Variants in ANO6 observed in about 807,000 individuals in gnomAD.
ANO6 encodes anoctamin-6.
ANO6 carries 106 observed loss-of-function variants against 117.5 expected under a neutral mutation model. The ratio of observed to expected loss-of-function variants is 0.90; its 90% confidence interval spans 0.77 to 1.06. ANO6 has a LOEUF of 1.06. Ranked by LOEUF, ANO6 falls within the 50% of genes least tolerant of loss-of-function variation. The pLI is 0.00. For synonymous variants in ANO6, 367 were observed against 385.1 expected, an observed-to-expected ratio of 0.95 and a Z score of 0.55; for missense variants, 955 against 1,121.1, an observed-to-expected ratio of 0.85 and a Z score of 2.12.
At chr12:45,373,343 G>A (rs1245739657) in intron 9 of ANO6, among the ~76,000 whole-genome samples, 1 of 151,236 alleles carries the variant, frequency 6.6e-6, no homozygotes, top group Non-Finnish European at 1.5e-5. Context: ...ATTGAACTCA[G>A]CTCTGCACCA....
chr12:45,404,556 A>C (rs1038084770), intron 15 of ANO6, among the ~76,000 whole-genome samples: 1 of 151,734 alleles, frequency 6.6e-6, no homozygotes, highest in Non-Finnish European at 1.5e-5. Context: ...TGCCTTTCCT[A>C]GCTTCTGGAG....
chr12:45,439,647 CTTTTTTT>C, intron 19 of ANO6: 61 of 1,132,864 alleles, frequency 5.4e-5, no homozygotes, highest in South Asian at 2.0e-4. Flanking sequence ...GATTTAATTG[CTTTTTTT>C]TTTTTTTTTT....
At position 45,429,362 on chromosome 12, in the gene ANO6, T is replaced by A. The variant is rs1353042009; in HGVS notation, c.*51T>A. The A allele has an allele frequency of 1.3e-6, 2 of 1,590,476 alleles. No individual in the cohort carries two copies. The highest frequency in any genetic ancestry group is 2.7e-5 in the African/African-American group (2 of 73,914). On this transcript the variant is annotated 3_prime_UTR_variant, in exon 20 of 20. Transcript: ENST00000320560. ...TAAGGAATTTAGCTTTGTCAAAATA[T>A]ATTAGGAATCACTAATGAGAATGTG...
Position 45,430,790 on chromosome 12 carries a change from C to T in ANO6, c.*1479C>T. 1 of 985,430 alleles carries T rather than the reference C, an allele frequency of 1.0e-6. No homozygotes were observed. The highest frequency in any genetic ancestry group is 1.2e-6 in the Non-Finnish European group (1 of 829,994). The allele number at this position is 985,430 out of a possible 1,614,324, so 61.0% of individuals were successfully genotyped here. A position where few individuals can be genotyped will look rare whatever the true frequency, so the allele number is the denominator to read the frequency against. On this transcript the variant is annotated 3_prime_UTR_variant, in exon 20 of 20. Transcript: ENST00000320560. ...CTTTATTGCCTTGTAAGTGTCAGGCCTCCTGGGCGCTCTGGAAAAGACAGG... is the reference window on the plus strand; with the variant it reads ...CTTTATTGCCTTGTAAGTGTCAGGCTTCCTGGGCGCTCTGGAAAAGACAGG...
In ANO6 at chr12:45,429,162, C is replaced by A. The variant is rs200345206; in HGVS notation, c.2584C>A (p.Arg862Ser). ...ATATGCAATTCCCGATGTATCAAAA[C>A]GCACAAAGAGCAAGATCCAGAGAGA... ...ISYAIPDVSK[R>S]TKSKIQREKY... The change falls in exon 20 of 20, where the codon CGC (arginine) becomes AGC (serine). Residue 862 changes from arginine (R) to serine (S), a missense_variant. Transcript: ENST00000320560. 3.7e-6 allele frequency: 6 copies of A among 1,613,692 alleles called. No individual in the cohort carries two copies. The highest frequency in any genetic ancestry group is 1.7e-5 in the Admixed American group (1 of 59,970).
intron 1 of ANO6, among the ~76,000 whole-genome samples, chr12:45,284,748 T>C (rs988093510): frequency 6.6e-6 from 1 of 152,226 alleles, no homozygotes; most frequent in Non-Finnish European, 1.5e-5. Context: ...TAGCTCATCC[T>C]GCATGCCAAG....
chr12:45,216,242 C>T lies in ANO6; in HGVS notation c.-80C>T, dbSNP rs1434343413. The T allele has an allele frequency of 6.7e-7, 1 of 1,494,150 alleles. No homozygotes were observed. Among genetic ancestry groups the T allele is most frequent in the Non-Finnish European group, 9.1e-7 (1 of 1,094,920 alleles). The allele number at this position is 1,494,150 out of a possible 1,614,324, so 92.6% of individuals were successfully genotyped here. On this transcript the variant is annotated 5_prime_UTR_variant, in exon 1 of 20. Transcript: ENST00000320560. ...ACACGCCCCGCGGTCCCCGATCCGG[C>T]CCCTGGGAGAGCCGCGCCGTTCTGG...
intron 12 of ANO6, among the ~76,000 whole-genome samples, chr12:45,394,952 AAC>A (rs1244664622): frequency 6.6e-6 from 1 of 152,234 alleles, no homozygotes; most frequent in African/African-American, 2.4e-5. Context: ...AGCAAGAGCA[AAC>A]ACATTCAAAA....
intron 12 of ANO6, among the ~76,000 whole-genome samples, chr12:45,398,244 A>T (rs1221282455): frequency 6.6e-6 from 1 of 152,214 alleles, no homozygotes; most frequent in African/African-American, 2.4e-5. Flanking sequence ...CAGAACATTA[A>T]TGTGCAATTA....
chr12:45,305,839 A>G (rs1232574880), intron 2 of ANO6, among the ~76,000 whole-genome samples: 1 of 152,164 alleles, frequency 6.6e-6, no homozygotes, highest in African/African-American at 2.4e-5. Flanking sequence ...GGTTAAGAGC[A>G]AAGGAGATCT....
chr12:45,260,425 A>C (rs1937986275), intron 1 of ANO6, among the ~76,000 whole-genome samples: 1 of 152,230 alleles, frequency 6.6e-6, no homozygotes, highest in Non-Finnish European at 1.5e-5. Flanking sequence ...AGACTCGATC[A>C]GCTTGCTAAA....
At chr12:45,364,806 CCTCT>C (rs1941643034) in intron 8 of ANO6, among the ~76,000 whole-genome samples, 1 of 152,116 alleles carries the variant, frequency 6.6e-6, no homozygotes, top group Non-Finnish European at 1.5e-5. Flanking sequence ...ACTGCTTTTT[CCTCT>C]CTGTGTTAGG....
intron 12 of ANO6, among the ~76,000 whole-genome samples, chr12:45,393,845 G>T (rs563355000): frequency 3.3e-5 from 5 of 152,268 alleles, no homozygotes; most frequent in Admixed American, 1.3e-4. Context: ...CCTGAAACAA[G>T]CACTAAACAT....
intron 8 of ANO6, 70 bp downstream of exon 8, chr12:45,357,494 A>G (rs1046797994): frequency 9.5e-6 from 15 of 1,584,966 alleles, no homozygotes; most frequent in Admixed American, 1.7e-5. Flanking sequence ...TCATGGTCTT[A>G]AACTGTTTTG....
At chr12:45,333,871 GA>G (rs896558491) in intron 3 of ANO6, among the ~76,000 whole-genome samples, 11 of 151,830 alleles carry the variant, frequency 7.2e-5, no homozygotes, top group Middle Eastern at 3.4e-3. Context: ...TTCTTTGAAA[GA>G]AAAAAAACTT....
intron 1 of ANO6, among the ~76,000 whole-genome samples, chr12:45,283,121 A>C (rs1312631989): frequency 6.6e-6 from 1 of 152,238 alleles, no homozygotes; most frequent in East Asian, 1.9e-4. Context: ...TCAACATCTT[A>C]ACGTACTTAT....
In ANO6 at chr12:45,416,836, A is replaced by G. The variant is rs1943226072; in HGVS notation, c.2149A>G (p.Lys717Glu). The G allele has an allele frequency of 6.2e-7, 1 of 1,614,090 alleles. No homozygotes were observed. Among genetic ancestry groups the G allele is most frequent in the African/African-American group, 1.3e-5 (1 of 74,944 alleles). The change falls in exon 17 of 20, where the codon AAA becomes GAA. Residue 717 changes from lysine (K) to glutamate (E), a missense_variant. Transcript: ENST00000320560. Reference sequence around the variant, plus strand: ...CCAGTTTAGACGCCTGGTACCAGAGAAAGCCCAAGACATTGGAGCATGGCA... The same window carrying G: ...CCAGTTTAGACGCCTGGTACCAGAGGAAGCCCAAGACATTGGAGCATGGCA... The part of the protein sequence containing the change: ...TTQFRRLVPE[K>E]AQDIGAWQPI...
At chr12:45,349,875 A>G (rs1056361476) in intron 6 of ANO6, among the ~76,000 whole-genome samples, 1 of 152,210 alleles carries the variant, frequency 6.6e-6, no homozygotes, top group African/African-American at 2.4e-5. Context: ...TGTCACGAAT[A>G]TTAATTTGGG....
intron 12 of ANO6, among the ~76,000 whole-genome samples, chr12:45,394,518 C>T (rs1327799558): frequency 1.3e-5 from 2 of 152,148 alleles, no homozygotes; most frequent in African/African-American, 4.8e-5. Flanking sequence ...CAGAACTCTC[C>T]ACCCAAAAAC....
Sources: gnomAD v4.1 joint callset for allele counts (sites outside exome capture counted in the v4.1 genomes callset) on GRCh38, gnomAD v4.1.1 for gene constraint, MANE v1.5 for transcripts, NCBI Gene and HGNC (gene_info 2026-07-23, HGNC 2026-07-21) for gene names.